The following CNOT10 variants were observed in gnomAD, a reference collection of about 807,000 sequenced individuals.
The protein encoded by CNOT10 is CCR4-NOT transcription complex, subunit 10.
CNOT10 carries 30 observed loss-of-function variants against 94.6 expected under a neutral mutation model. The observed-to-expected ratio is 0.32, with a 90% CI of 0.24 to 0.43. The LOEUF is 0.43. Among genes scored for constraint, CNOT10 ranks in the 20% least tolerant of loss-of-function variants. The pLI is 1.00. For synonymous variants in CNOT10, 289 were observed against 301.6 expected (o/e 0.96, Z 0.43); for missense variants, 759 against 877.2 (o/e 0.87, Z 1.70).
intron 13 of CNOT10, among the ~76,000 whole-genome samples, chr3:32,746,836 C>CA (rs71630540): frequency 0.01 from 854 of 84,086 alleles, 20 homozygotes; most frequent in African/African-American, 0.025. Context: ...GACTCCGTCT[C>CA]AAAAAAAAAA....
intron 3 of CNOT10, 55 bp from the exon 4 acceptor site, chr3:32,708,615 T>C (rs1192007674): frequency 6.8e-7 from 1 of 1,479,840 alleles, no homozygotes; most frequent in East Asian, 2.3e-5. Flanking sequence ...ATTCTTTCAC[T>C]TTTGCTTTTT....
chr3:32,724,016 G>A (rs532806238), intron 8 of CNOT10, among the ~76,000 whole-genome samples: 5 of 152,222 alleles, frequency 3.3e-5, no homozygotes, highest in Admixed American at 2.6e-4. Flanking sequence ...GGAGGTCGAT[G>A]CTGCAGTGAG....
intron 1 of CNOT10, among the ~76,000 whole-genome samples, chr3:32,690,927 T>C (rs1696821514): frequency 6.6e-6 from 1 of 151,906 alleles, no homozygotes; most frequent in South Asian, 2.1e-4. Context: ...AATATCTATA[T>C]ATCTACCCCC....
At chr3:32,735,016 C>T (rs1325138796) in intron 12 of CNOT10, 40 bp downstream of exon 12, 5 of 1,538,168 alleles carry the variant, frequency 3.3e-6, no homozygotes, top group Non-Finnish European at 3.6e-6. Flanking sequence ...AAAATCCTTT[C>T]AGGACTTCTT....
intron 1 of CNOT10, among the ~76,000 whole-genome samples, chr3:32,698,396 A>G (rs1367550628): frequency 6.6e-6 from 1 of 152,196 alleles, no homozygotes; most frequent in Non-Finnish European, 1.5e-5. Context: ...TTACGTTGTT[A>G]TAAGTGGTGA....
chr3:32,759,323 T>TA, intron 13 of CNOT10, 135 bp from the exon 14 acceptor site: 1 of 640,302 alleles, frequency 1.6e-6, no homozygotes, highest in Non-Finnish European at 2.8e-6. Flanking sequence ...TTCTTACCAT[T>TA]AGTACCGTGG....
At position 32,737,452 on chromosome 3, in the gene CNOT10, T is replaced by A; in HGVS notation, c.1557T>A (p.Pro519=). 6.2e-7 allele frequency: 1 copy of A among 1,611,858 alleles called. No individual in the cohort carries two copies. Among genetic ancestry groups the A allele is most frequent in the Non-Finnish European group, 8.5e-7 (1 of 1,178,168 alleles). Reference sequence around the variant, plus strand: ...GAGATAAATTCATTCCAGCTCCACCTTCTTCTCCATTGAGAAAACAGGAAT... The same window carrying A: ...GAGATAAATTCATTCCAGCTCCACCATCTTCTCCATTGAGAAAACAGGAAT... The part of the protein sequence containing the change: ...HDGDKFIPAP[P]SSPLRKQELE... The change falls in exon 13 of 19, where the codon CCT becomes CCA. Residue 519 remains proline, a synonymous_variant. Coordinates refer to ENST00000328834, the MANE Select transcript of CNOT10 (RefSeq NM_015442.3).
intron 1 of CNOT10, among the ~76,000 whole-genome samples, chr3:32,693,142 A>T (rs190717569): frequency 3.6e-4 from 55 of 152,310 alleles, no homozygotes; most frequent in Middle Eastern, 3.4e-3. Flanking sequence ...ATTTTCAATT[A>T]CCAGTTTTCA....
intron 12 of CNOT10, among the ~76,000 whole-genome samples, chr3:32,735,781 A>G (rs1699161973): frequency 6.6e-6 from 1 of 152,142 alleles, no homozygotes; most frequent in African/African-American, 2.4e-5. Flanking sequence ...TCCTCTGTCT[A>G]TCCTCTTAAT....
At chr3:32,689,075 G>A (rs1696746496) in intron 1 of CNOT10, among the ~76,000 whole-genome samples, 1 of 152,020 alleles carries the variant, frequency 6.6e-6, no homozygotes, top group Non-Finnish European at 1.5e-5. Context: ...CCTGCTGGCG[G>A]GTGCCTGTGG....
intron 1 of CNOT10, among the ~76,000 whole-genome samples, chr3:32,689,685 A>G (rs547931793): frequency 6.6e-6 from 1 of 152,280 alleles, no homozygotes; most frequent in South Asian, 2.1e-4. Flanking sequence ...ACATAATTTA[A>G]GGCTGGGCAT....
intron 17 of CNOT10, among the ~76,000 whole-genome samples, chr3:32,768,337 T>C (rs1700738451): frequency 6.6e-6 from 1 of 151,296 alleles, no homozygotes; most frequent in Non-Finnish European, 1.5e-5. Flanking sequence ...ATCCCAGCAC[T>C]TTGGGAGGCC....
At chr3:32,685,700 C>T (rs1319662201) in intron 1 of CNOT10, among the ~76,000 whole-genome samples, 1 of 152,146 alleles carries the variant, frequency 6.6e-6, no homozygotes, top group East Asian at 1.9e-4. Flanking sequence ...TTGAAGTCGC[C>T]ACTGGCCGCC....
At chr3:32,688,931 C>T (rs1696737568) in intron 1 of CNOT10, among the ~76,000 whole-genome samples, 1 of 151,956 alleles carries the variant, frequency 6.6e-6, no homozygotes, top group Admixed American at 6.6e-5. Context: ...AAAGGCCGGA[C>T]GTGGTGGCTC....
At chr3:32,696,532 A>G (rs1697077891) in intron 1 of CNOT10, among the ~76,000 whole-genome samples, 1 of 152,192 alleles carries the variant, frequency 6.6e-6, no homozygotes, top group Admixed American at 6.5e-5. Flanking sequence ...AGTTCTGTGA[A>G]ATGTGTGTAG....
chr3:32,770,989 A>T (rs890593257), intron 18 of CNOT10, among the ~76,000 whole-genome samples: 1 of 151,972 alleles, frequency 6.6e-6, no homozygotes, highest in Non-Finnish European at 1.5e-5. Flanking sequence ...CTGGGATTAT[A>T]GGCGTGAGCC....
intron 4 of CNOT10, among the ~76,000 whole-genome samples, chr3:32,710,823 C>G (rs573773338): frequency 6.6e-6 from 1 of 152,136 alleles, no homozygotes; most frequent in East Asian, 1.9e-4. Context: ...CAGGCCCAAG[C>G]GATCCTCCCA....
chr3:32,719,247 T>TAAAAAC (rs1171849888), intron 7 of CNOT10, among the ~76,000 whole-genome samples: 74 of 151,374 alleles, frequency 4.9e-4, no homozygotes, highest in African/African-American at 1.5e-3. Context: ...AGACTCCGTC[T>TAAAAAC]AAAAACAAAA....
At chr3:32,695,596 T>C (rs1697009635) in intron 1 of CNOT10, 1 of 1,534,724 alleles carries the variant, frequency 6.5e-7, no homozygotes, top group Admixed American at 2.0e-5. Flanking sequence ...TCTGCTTAGT[T>C]CAAACCTAAA....
Sources: allele counts gnomAD v4.1 joint callset (sites outside exome capture counted in the v4.1 genomes callset), GRCh38; gene constraint gnomAD v4.1.1; transcripts MANE v1.5; gene names NCBI Gene and HGNC (gene_info 2026-07-23, HGNC 2026-07-21).